IQGAP2: variants seen among roughly 807,000 people sequenced by gnomAD.
IQGAP2 encodes the protein ras GTPase-activating-like protein IQGAP2.
A neutral mutation model predicts 201.3 loss-of-function variants in IQGAP2; 173 were observed. The observed-to-expected ratio is 0.86, with a 90% CI of 0.76 to 0.98. The LOEUF is 0.98. Ranked by LOEUF, IQGAP2 falls within the 50% of genes least tolerant of loss-of-function variation. The pLI, the probability that IQGAP2 is intolerant of heterozygous loss-of-function variation, is 0.00. For missense variants in IQGAP2, 1,687 were observed against 1,864.8 expected, an observed-to-expected ratio of 0.90 and a Z score of 1.76; for synonymous variants, 675 against 673.9, an observed-to-expected ratio of 1.00 and a Z score of -0.03.
chr5:76,613,547 A>C (rs770583407), intron 13 of IQGAP2, among the ~76,000 whole-genome samples: 1 of 152,192 alleles, frequency 6.6e-6, no homozygotes, highest in Non-Finnish European at 1.5e-5. Flanking sequence ...TATAGGTACT[A>C]TTAATGAAGA....
intron 3 of IQGAP2, among the ~76,000 whole-genome samples, chr5:76,565,299 G>A (rs924381401): frequency 1.1e-4 from 17 of 152,102 alleles, no homozygotes; most frequent in Admixed American, 5.9e-4. Flanking sequence ...TCGGGCTCTC[G>A]CTGCAGGGTC....
chr5:76,467,664 GC>G (rs1344926038), intron 2 of IQGAP2, among the ~76,000 whole-genome samples: 1 of 152,096 alleles, frequency 6.6e-6, no homozygotes, highest in African/African-American at 2.4e-5. Context: ...GAAAATCTAT[GC>G]CCATACAAAA....
chr5:76,455,668 C>A (rs997746296), intron 1 of IQGAP2, among the ~76,000 whole-genome samples: 2 of 152,094 alleles, frequency 1.3e-5, no homozygotes, highest in African/African-American at 2.4e-5. Flanking sequence ...CATTTTCCTG[C>A]ATAATTATGA....
At chr5:76,498,434 G>A (rs904831394) in intron 2 of IQGAP2, among the ~76,000 whole-genome samples, 9 of 152,164 alleles carry the variant, frequency 5.9e-5, no homozygotes, top group African/African-American at 2.2e-4. Flanking sequence ...TCACACTTCT[G>A]TAGCAGAGAC....
intron 2 of IQGAP2, among the ~76,000 whole-genome samples, chr5:76,485,429 G>A (rs1441257593): frequency 6.6e-6 from 1 of 152,164 alleles, no homozygotes; most frequent in Non-Finnish European, 1.5e-5. Flanking sequence ...TTCTTTTGCT[G>A]TATTTTAATT....
At chr5:76,444,995 G>T (rs148429128) in intron 1 of IQGAP2, among the ~76,000 whole-genome samples, 5 of 152,158 alleles carry the variant, frequency 3.3e-5, no homozygotes, top group Non-Finnish European at 7.3e-5. Context: ...GAAACTCTTT[G>T]GTTCTGTGAA....
At chr5:76,556,813 G>A (rs779930354) in intron 2 of IQGAP2, among the ~76,000 whole-genome samples, 1 of 152,168 alleles carries the variant, frequency 6.6e-6, no homozygotes, top group African/African-American at 2.4e-5. Flanking sequence ...CTTATTGGAA[G>A]GACCTTTGAG....
At chr5:76,505,718 G>A (rs1757576288) in intron 2 of IQGAP2, among the ~76,000 whole-genome samples, 1 of 152,084 alleles carries the variant, frequency 6.6e-6, no homozygotes, top group African/African-American at 2.4e-5. Flanking sequence ...CTCCTGGCTT[G>A]GAGCTCTTAT....
chr5:76,496,752 T>TCTTTCTTTCTTTC (rs1756968880), intron 2 of IQGAP2, among the ~76,000 whole-genome samples: 8 of 67,258 alleles, frequency 1.2e-4, no homozygotes, highest in African/African-American at 5.8e-4. Context: ...TTTCTTTCTT[T>TCTTTCTTTCTTTC]CTTTCTTTCT....
At chr5:76,588,730 C>T (rs1580531123) in intron 5 of IQGAP2, among the ~76,000 whole-genome samples, 176 bp from the exon 6 acceptor site, 1 of 152,248 alleles carries the variant, frequency 6.6e-6, no homozygotes, top group East Asian at 1.9e-4. Flanking sequence ...GAATTCTGAT[C>T]CTGGCCTCAC....
At chr5:76,414,685 A>T (rs1751319356) in intron 1 of IQGAP2, among the ~76,000 whole-genome samples, 1 of 152,188 alleles carries the variant, frequency 6.6e-6, no homozygotes, top group Non-Finnish European at 1.5e-5. Flanking sequence ...GAATATATAA[A>T]GATAATTTTT....
chr5:76,496,892 C>T (rs1270979367), intron 2 of IQGAP2, among the ~76,000 whole-genome samples: 2 of 151,634 alleles, frequency 1.3e-5, no homozygotes, highest in African/African-American at 4.8e-5. Context: ...TGCAGTGGCA[C>T]GATCTCAGCT....
chr5:76,442,762 A>T (rs192324855), intron 1 of IQGAP2, among the ~76,000 whole-genome samples: 266 of 152,278 alleles, frequency 1.7e-3, no homozygotes, highest in African/African-American at 5.5e-3. Context: ...TGAGGTGGAC[A>T]TATCACTTGA....
At chr5:76,584,456 A>G (rs1746102083) in intron 5 of IQGAP2, among the ~76,000 whole-genome samples, 1 of 152,192 alleles carries the variant, frequency 6.6e-6, no homozygotes. Flanking sequence ...CACAGCCCAC[A>G]AAACGCTGGG....
intron 14 of IQGAP2, among the ~76,000 whole-genome samples, chr5:76,631,272 G>A (rs576681797): frequency 1.6e-4 from 25 of 152,114 alleles, no homozygotes; most frequent in Non-Finnish European, 2.5e-4. Context: ...TTAATGAGGA[G>A]GGGTAGAAAT....
intron 17 of IQGAP2, among the ~76,000 whole-genome samples, chr5:76,648,225 T>A (rs1752226653): frequency 1.3e-5 from 2 of 152,158 alleles, no homozygotes; most frequent in African/African-American, 4.8e-5. Flanking sequence ...GTAGTAAGGT[T>A]CCTTGGGTCC....
chr5:76,599,404 C>G (rs1373218570), intron 10 of IQGAP2, among the ~76,000 whole-genome samples: 1 of 152,136 alleles, frequency 6.6e-6, no homozygotes, highest in Non-Finnish European at 1.5e-5. Flanking sequence ...CTCAACTGGC[C>G]ATAGTTAACC....
chr5:76,528,814 T>A (rs1759120885), intron 2 of IQGAP2, among the ~76,000 whole-genome samples: 1 of 152,216 alleles, frequency 6.6e-6, no homozygotes. Context: ...TGCTTTTTAC[T>A]TTCACCCCTT....
At chr5:76,508,281 T>G (rs1757733752) in intron 2 of IQGAP2, among the ~76,000 whole-genome samples, 1 of 151,994 alleles carries the variant, frequency 6.6e-6, no homozygotes, top group African/African-American at 2.4e-5. Flanking sequence ...ATCTCGCCAC[T>G]GCACTCCAGC....
Sources: gnomAD v4.1 joint callset for allele counts (sites outside exome capture counted in the v4.1 genomes callset) on GRCh38, gnomAD v4.1.1 for gene constraint, MANE v1.5 for transcripts, NCBI Gene and HGNC (gene_info 2026-07-23, HGNC 2026-07-21) for gene names.